Variants in LRP1B observed in about 807,000 individuals in gnomAD.
LRP1B encodes the protein low-density lipoprotein receptor-related protein 1B.
In LRP1B, 217 loss-of-function variants were observed where a neutral mutation model predicts 556.6. The ratio of observed to expected loss-of-function variants is 0.39; its 90% CI spans 0.35 to 0.44. LRP1B has a LOEUF of 0.44. Among genes scored for constraint, LRP1B ranks in the 20% least tolerant of loss-of-function variants. The probability of loss-of-function intolerance (pLI) is 1.00; values close to 1 mark genes in which losing one functional copy is unlikely to be tolerated. For missense variants in LRP1B, 5,053 were observed against 5,620.8 expected (o/e 0.90, Z 3.23); for synonymous variants, 2,047 against 1,865.8 (o/e 1.10, Z -2.50).
chr2:141,779,185 C>T (rs1313719799), intron 2 of LRP1B, among the ~76,000 whole-genome samples: 6 of 152,086 alleles, frequency 3.9e-5, no homozygotes, highest in Admixed American at 3.9e-4. Flanking sequence ...TCCTTAACTT[C>T]CTGGGTCTTC....
At chr2:141,708,859 C>T (rs188745806) in intron 2 of LRP1B, among the ~76,000 whole-genome samples, 3 of 152,198 alleles carry the variant, frequency 2.0e-5, no homozygotes, top group African/African-American at 7.2e-5. Flanking sequence ...CAAGCAGCAG[C>T]CATCTGCAAG....
intron 69 of LRP1B, 48 bp downstream of exon 69, chr2:140,372,960 A>G (rs944226216): frequency 2.5e-6 from 4 of 1,599,884 alleles, no homozygotes; most frequent in Non-Finnish European, 2.6e-6. Flanking sequence ...TTTAAATTCT[A>G]TCAAGGTAAA....
Position 141,249,620 on chromosome 2 carries a change from CAGAAAGAA to C in LRP1B, c.464-2274_464-2267del, listed in dbSNP as rs35927316. On this transcript the variant is annotated intron_variant, in intron 4 of 90. Coordinates refer to ENST00000389484, the MANE Select transcript of LRP1B (RefSeq NM_018557.3). ...TAAAATAAAAATAATAATAATAAAACAGAAAGAAAGAAAGAAAGAGGAGTCCTACAGTC... is the reference window on the plus strand; with the variant it reads ...TAAAATAAAAATAATAATAATAAAACAGAAAGAAAGAGGAGTCCTACAGTC... Among the ~76,000 whole-genome samples the C allele has an allele frequency of 4.6e-5, 7 of 150,960 alleles. No homozygotes were observed. The South Asian group carries it at 8.4e-4, about 18-fold the overall frequency.
chr2:141,879,421 A>G (rs1402460068), intron 1 of LRP1B, among the ~76,000 whole-genome samples: 1 of 151,952 alleles, frequency 6.6e-6, no homozygotes, highest in Non-Finnish European at 1.5e-5. Flanking sequence ...AAATACATTA[A>G]TTTTCCATAG....
chr2:141,576,921 G>A (rs112108344), intron 2 of LRP1B, among the ~76,000 whole-genome samples: 7 of 151,326 alleles, frequency 4.6e-5, no homozygotes, highest in African/African-American at 1.7e-4. Flanking sequence ...GCCTCCCAGA[G>A]TGCTGGGATA....
intron 2 of LRP1B, among the ~76,000 whole-genome samples, chr2:141,739,767 A>G (rs1558841085): frequency 6.6e-6 from 1 of 151,652 alleles, no homozygotes; most frequent in Non-Finnish European, 1.5e-5. Flanking sequence ...AAAATAAGGT[A>G]TTCACCCACA....
intron 2 of LRP1B, among the ~76,000 whole-genome samples, chr2:141,759,985 C>T (rs928112471): frequency 5.9e-5 from 9 of 152,124 alleles, no homozygotes; most frequent in East Asian, 3.9e-4. Flanking sequence ...AAAAATTAGC[C>T]GGGCGTGGTT....
chr2:141,062,100 A>G lies in LRP1B; in HGVS notation c.1187T>C (p.Val396Ala). 6.2e-7 allele frequency: 1 copy of G among 1,611,666 alleles called. No individual in the cohort carries two copies. The highest frequency in any genetic ancestry group is 8.5e-7 in the Non-Finnish European group (1 of 1,178,576). Residue 396 changes from valine (V) to alanine (A), a missense_variant, in exon 8 of 91, where the codon GTA becomes GCA. Val to Ala is a moderately conservative substitution (Grantham distance 64). This residue lies in a region of LRP1B where 3,619 missense variants were observed against 3,931.9 expected (regional missense o/e 0.92). Transcript: ENST00000389484. ...TCTATTTTTTCCTTGATAGTCCACT[A>G]CTCCCACATAGTCCAAGTAAAGATC... The part of the protein sequence containing the change: ...WVDLYLDYVG[V>A]VDYQGKNRHT...
rs141580096 is a variant in LRP1B, at chr2:141,649,853, G to A, written c.205+160426C>T. Among the ~76,000 whole-genome samples, 499 of 152,268 alleles carry A rather than the reference G, an allele frequency of 3.3e-3. 2 individuals carry two copies. The highest frequency in any genetic ancestry group is 5.7e-3 in the Non-Finnish European group (387 of 68,024). ...AAAATGAATATTAAAGTAAGTAGGA[G>A]ACAAAATAACTAGGTAACCAATCTA... On this transcript the variant is annotated intron_variant, in intron 2 of 90. Transcript: ENST00000389484.
At chr2:142,014,049 C>A (rs1703039241) in intron 1 of LRP1B, among the ~76,000 whole-genome samples, 1 of 152,158 alleles carries the variant, frequency 6.6e-6, no homozygotes, top group Non-Finnish European at 1.5e-5. Flanking sequence ...TCCTTTATCA[C>A]AAACCCTTGC....
intron 1 of LRP1B, among the ~76,000 whole-genome samples, chr2:141,840,295 G>C (rs1338133024): frequency 8.8e-6 from 1 of 113,462 alleles, no homozygotes; most frequent in East Asian, 2.5e-4. Flanking sequence ...ACGGAATCTC[G>C]CTCTGTCGCC....
intron 2 of LRP1B, among the ~76,000 whole-genome samples, chr2:141,625,211 T>A (rs1174581667): frequency 6.6e-6 from 1 of 152,256 alleles, no homozygotes; most frequent in East Asian, 1.9e-4. Flanking sequence ...TTTATTCAGC[T>A]GATGAAGTCT....
intron 83 of LRP1B, among the ~76,000 whole-genome samples, chr2:140,303,638 T>TA (rs756626611): frequency 1.3e-5 from 2 of 152,102 alleles, no homozygotes; most frequent in South Asian, 2.1e-4. Flanking sequence ...TAATCTTCTA[T>TA]AAAAAATATT....
intron 7 of LRP1B, among the ~76,000 whole-genome samples, chr2:141,125,855 A>AAAC (rs1553463704): frequency 6.7e-6 from 1 of 149,828 alleles, no homozygotes; most frequent in African/African-American, 2.5e-5. Context: ...AAAAAAAAAA[A>AAAC]AAAAAACAAA....
At chr2:141,857,584 G>A (rs765338407) in intron 1 of LRP1B, among the ~76,000 whole-genome samples, 2 of 151,738 alleles carry the variant, frequency 1.3e-5, no homozygotes, top group African/African-American at 2.4e-5. Flanking sequence ...CTATCCTCCC[G>A]CCTCAACCTC....
At chr2:142,011,884 C>T (rs1702969642) in intron 1 of LRP1B, among the ~76,000 whole-genome samples, 1 of 152,006 alleles carries the variant, frequency 6.6e-6, no homozygotes, top group African/African-American at 2.4e-5. Flanking sequence ...AGGTGAGAGT[C>T]TGTCAGTGGA....
intron 48 of LRP1B, 29 bp from the exon 49 acceptor site, chr2:140,526,022 A>T: frequency 6.2e-7 from 1 of 1,608,664 alleles, no homozygotes; most frequent in Non-Finnish European, 8.5e-7. Flanking sequence ...AAAATGAAAA[A>T]GTACCTCATT....
In LRP1B at chr2:140,416,528, T is replaced by C. The variant is rs1685210544; in HGVS notation, c.10414+25976A>G. ...AAAATTAGCCAAGCATGGTGATGCA[T>C]GCCTGCAGTCCCAGTTACTTAGGAG... On this transcript the variant is annotated intron_variant, in intron 66 of 90. Coordinates refer to ENST00000389484, the MANE Select transcript of LRP1B (RefSeq NM_018557.3). Among the ~76,000 whole-genome samples the C allele has an allele frequency of 2.6e-5, 4 of 151,998 alleles. No individual in the cohort carries two copies. In the South Asian group the frequency reaches 8.3e-4, roughly 31 times the overall value.
chr2:141,647,363 T>A (rs1036114756), intron 2 of LRP1B, among the ~76,000 whole-genome samples: 1 of 152,116 alleles, frequency 6.6e-6, no homozygotes, highest in Non-Finnish European at 1.5e-5. Context: ...AGAGGAAGCG[T>A]TTTCCACCAG....
Sources: gnomAD v4.1 joint callset for allele counts (sites outside exome capture counted in the v4.1 genomes callset) on GRCh38, gnomAD v4.1.1 for gene constraint, gnomAD v4.1.1 regional missense constraint, MANE v1.5 for transcripts, NCBI Gene and HGNC (gene_info 2026-07-23, HGNC 2026-07-21) for gene names.